PTPRD: variants seen among roughly 807,000 people sequenced by gnomAD.
PTPRD encodes protein tyrosine phosphatase receptor type D.
In PTPRD, 34 loss-of-function variants were observed where a neutral mutation model predicts 214.5. The ratio of observed to expected loss-of-function variants is 0.16; its 90% CI spans 0.12 to 0.21. PTPRD has a LOEUF of 0.21. Among genes scored for constraint, PTPRD ranks in the 10% least tolerant of loss-of-function variants. The probability of loss-of-function intolerance (pLI) is 1.00; values close to 1 mark genes in which losing one functional copy is unlikely to be tolerated. For synonymous variants in PTPRD, 1,128 were observed against 845.7 expected (o/e 1.33, Z -5.79); for missense variants, 2,545 against 2,398.7 (o/e 1.06, Z -1.27).
intron 8 of PTPRD, among the ~76,000 whole-genome samples, chr9:9,455,436 A>C (rs553290123): frequency 1.3e-5 from 2 of 151,654 alleles, no homozygotes; most frequent in Non-Finnish European, 3.0e-5. Context: ...ACATCATAAC[A>C]ATACCAACAG....
chr9:9,451,119 C>A (rs62533166), intron 8 of PTPRD, among the ~76,000 whole-genome samples: 6,396 of 151,710 alleles, frequency 0.042, 185 homozygotes, highest in Non-Finnish European at 0.062. Flanking sequence ...GTCAGCATTA[C>A]CCTCTCTAAA....
At chr9:9,542,509 A>G (rs2077833753) in intron 8 of PTPRD, among the ~76,000 whole-genome samples, 1 of 151,840 alleles carries the variant, frequency 6.6e-6, no homozygotes, top group African/African-American at 2.4e-5. Context: ...ATATCATTAA[A>G]AAGATGAATA....
At chr9:8,689,975 G>A (rs941926741) in intron 12 of PTPRD, among the ~76,000 whole-genome samples, 1 of 151,962 alleles carries the variant, frequency 6.6e-6, no homozygotes, top group African/African-American at 2.4e-5. Context: ...GGGCACAGTG[G>A]CATGTGCCTG....
At chr9:9,276,861 G>C (rs555900418) in intron 9 of PTPRD, among the ~76,000 whole-genome samples, 41 of 151,464 alleles carry the variant, frequency 2.7e-4, no homozygotes, top group African/African-American at 9.2e-4. Flanking sequence ...CATAAACAAA[G>C]AGAGGCCATT....
chr9:9,283,511 C>T (rs1270282892), intron 9 of PTPRD, among the ~76,000 whole-genome samples: 1 of 151,288 alleles, frequency 6.6e-6, no homozygotes, highest in African/African-American at 2.4e-5. Flanking sequence ...CAGAAAGTAT[C>T]CAACTGCTAG....
chr9:9,462,536 A>G (rs1364137370), intron 8 of PTPRD, among the ~76,000 whole-genome samples: 1 of 152,192 alleles, frequency 6.6e-6, no homozygotes, highest in Non-Finnish European at 1.5e-5. Context: ...TTTAAAACAG[A>G]TAATTTAATA....
At chr9:9,490,901 AATTGT>A (rs1197520118) in intron 8 of PTPRD, among the ~76,000 whole-genome samples, 4 of 39,770 alleles carry the variant, frequency 1.0e-4, no homozygotes, top group South Asian at 1.0e-3. Flanking sequence ...TAAATGAACG[AATTGT>A]TTGTTGAACT....
intron 3 of PTPRD, among the ~76,000 whole-genome samples, chr9:10,034,613 A>G (rs1053961579): frequency 2.0e-5 from 3 of 151,758 alleles, no homozygotes; most frequent in African/African-American, 7.3e-5. Flanking sequence ...GTATGTTATT[A>G]CCATCTGTGT....
intron 3 of PTPRD, among the ~76,000 whole-genome samples, chr9:10,307,460 C>A (rs1000756000): frequency 2.6e-5 from 4 of 151,994 alleles, no homozygotes; most frequent in African/African-American, 9.7e-5. Context: ...TCCATTCATT[C>A]ATTGATGGGT....
intron 2 of PTPRD, among the ~76,000 whole-genome samples, chr9:10,445,571 G>C (rs973988316): frequency 6.6e-6 from 1 of 152,040 alleles, no homozygotes; most frequent in South Asian, 2.1e-4. Flanking sequence ...TTACAAATTG[G>C]GTAGAAGAGA....
intron 2 of PTPRD, among the ~76,000 whole-genome samples, chr9:10,503,192 A>AAT (rs2044378281): frequency 9.6e-6 from 1 of 104,550 alleles, no homozygotes; most frequent in Non-Finnish European, 1.8e-5. Context: ...CAGCTGCAAT[A>AAT]CAAAAAAAAA....
chr9:9,136,653 C>T (rs1472920847), intron 10 of PTPRD, among the ~76,000 whole-genome samples: 1 of 152,068 alleles, frequency 6.6e-6, no homozygotes, highest in African/African-American at 2.4e-5. Context: ...TTTTCAACTG[C>T]AGTGTTTCCA....
At chr9:9,313,396 T>C (rs1337699657) in intron 9 of PTPRD, among the ~76,000 whole-genome samples, 1 of 152,184 alleles carries the variant, frequency 6.6e-6, no homozygotes, top group East Asian at 1.9e-4. Flanking sequence ...TAATTATCTA[T>C]TGTCTTGAGT....
chr9:10,389,236 C>T (rs1362411603), intron 2 of PTPRD, among the ~76,000 whole-genome samples: 1 of 151,722 alleles, frequency 6.6e-6, no homozygotes, highest in Non-Finnish European at 1.5e-5. Context: ...TGTGCTATCA[C>T]AATGAAAGGT....
chr9:9,749,430 C>T, intron 6 of PTPRD, among the ~76,000 whole-genome samples: 1 of 152,092 alleles, frequency 6.6e-6, no homozygotes, highest in East Asian at 1.9e-4. Context: ...TGAATTGATT[C>T]CAGGCTCAGG....
chr9:10,319,815 T>C (rs1311357283), intron 3 of PTPRD, among the ~76,000 whole-genome samples: 2 of 152,018 alleles, frequency 1.3e-5, no homozygotes, highest in African/African-American at 2.4e-5. Flanking sequence ...AAAACTCTGT[T>C]ACAACATAGG....
chr9:10,523,811 A>T (rs2053367013), intron 2 of PTPRD, among the ~76,000 whole-genome samples: 1 of 151,710 alleles, frequency 6.6e-6, no homozygotes, highest in South Asian at 2.1e-4. Context: ...AATGCTGGTA[A>T]TTTTGATTTC....
At chr9:10,353,728 C>T (rs571757056) in intron 2 of PTPRD, among the ~76,000 whole-genome samples, 1 of 151,806 alleles carries the variant, frequency 6.6e-6, no homozygotes, top group Non-Finnish European at 1.5e-5. Context: ...TTTTTAACAA[C>T]CGTACACCAA....
At chr9:9,664,088 T>TAAAAAAAAAAAAA (rs71319290) in intron 7 of PTPRD, among the ~76,000 whole-genome samples, 2 of 114,524 alleles carry the variant, frequency 1.7e-5, no homozygotes. Context: ...CACTCCTGTG[T>TAAAAAAAAAAAAA]AAAAAAAAAA....
Sources: gnomAD v4.1 joint callset for allele counts (sites outside exome capture counted in the v4.1 genomes callset) on GRCh38, gnomAD v4.1.1 for gene constraint, MANE v1.5 for transcripts, NCBI Gene and HGNC (gene_info 2026-07-23, HGNC 2026-07-21) for gene names.